The following DPP6 variants were observed in gnomAD, a reference collection of about 807,000 sequenced individuals.
DPP6 encodes A-type potassium channel modulatory protein DPP6.
DPP6 carries 69 observed loss-of-function variants against 122.6 expected under a neutral mutation model. That is an observed-to-expected ratio of 0.56 (90% CI 0.46 to 0.69). The LOEUF (loss-of-function observed/expected upper bound fraction) is 0.69. Among genes scored for constraint, DPP6 ranks in the 30% least tolerant of loss-of-function variants. DPP6 has a pLI of 0.00. For synonymous variants in DPP6, 418 were observed against 433.1 expected (o/e 0.97, Z 0.43); for missense variants, 928 against 1,116.9 (o/e 0.83, Z 2.41).
chr7:153,990,174 T>C (rs1259245128), intron 1 of DPP6, among the ~76,000 whole-genome samples: 1,618 of 20,974 alleles, frequency 0.077, 64 homozygotes, highest in Middle Eastern at 0.13. Context: ...CCTTGCCAGC[T>C]GGAGGTGGGC....
chr7:154,059,727 C>G (rs1214740994), intron 1 of DPP6, among the ~76,000 whole-genome samples: 3 of 151,172 alleles, frequency 2.0e-5, no homozygotes, highest in Non-Finnish European at 4.4e-5. Flanking sequence ...CCCGATCTGA[C>G]AAAGCCTTTT....
At chr7:154,042,400 C>T (rs1334594380) in intron 1 of DPP6, among the ~76,000 whole-genome samples, 2 of 152,304 alleles carry the variant, frequency 1.3e-5, no homozygotes, top group South Asian at 2.1e-4. Context: ...ACCATGCTCA[C>T]AGGAAAATTT....
At chr7:154,773,851 G>T (rs1253958942) in intron 10 of DPP6, among the ~76,000 whole-genome samples, 1 of 152,144 alleles carries the variant, frequency 6.6e-6, no homozygotes, top group Non-Finnish European at 1.5e-5. Flanking sequence ...CTAGCTCGGG[G>T]ATGGATGCTC....
At chr7:154,621,479 C>T (rs563655719) in intron 5 of DPP6, among the ~76,000 whole-genome samples, 1 of 152,178 alleles carries the variant, frequency 6.6e-6, no homozygotes, top group Non-Finnish European at 1.5e-5. Context: ...AGCGATTCTC[C>T]TGCCTCAGCC....
chr7:154,803,941 G>A lies in DPP6; in HGVS notation c.1485G>A (p.Glu495=). The change falls in exon 14 of 26, where the codon GAG becomes GAA. Residue 495 remains glutamate, a synonymous_variant. Transcript: ENST00000377770. Reference sequence around the variant, plus strand: ...TGACCAAGATCCTAGCCTACGATGAGAAGGGGAATAAGATGTGAGTGAGAA... The same window carrying A: ...TGACCAAGATCCTAGCCTACGATGAAAAGGGGAATAAGATGTGAGTGAGAA... ...WDVTKILAYD[E]KGNKIYFLST... The A allele has an allele frequency of 4.3e-6, 7 of 1,613,796 alleles. No homozygotes were observed. Among genetic ancestry groups the A allele is most frequent in the South Asian group, 2.2e-5 (2 of 90,972 alleles).
At chr7:153,832,202 G>A in the DPP6 span, among the ~76,000 whole-genome samples, 1 of 152,174 alleles carries the variant, frequency 6.6e-6, no homozygotes, top group South Asian at 2.1e-4. Flanking sequence ...ATAAAAACTA[G>A]CCTACTTTAG....
chr7:154,292,837 G>A (rs1019328989), intron 1 of DPP6, among the ~76,000 whole-genome samples: 1 of 152,156 alleles, frequency 6.6e-6, no homozygotes, highest in African/African-American at 2.4e-5. Flanking sequence ...AGGAGTTTAT[G>A]TTCTAATAGG....
chr7:154,831,273 C>T (rs1009650535), intron 16 of DPP6, among the ~76,000 whole-genome samples: 4 of 152,210 alleles, frequency 2.6e-5, no homozygotes, highest in African/African-American at 7.2e-5. Flanking sequence ...GCATGAGGCT[C>T]GGAGTGGCTT....
intron 14 of DPP6, 46 bp downstream of exon 14, chr7:154,804,001 C>A: frequency 6.3e-7 from 1 of 1,594,022 alleles, no homozygotes. Flanking sequence ...GCCAATGGGG[C>A]ACATTTGTTA....
chr7:153,905,076 C>T (rs903542812), intron 1 of DPP6, among the ~76,000 whole-genome samples: 1 of 152,222 alleles, frequency 6.6e-6, no homozygotes, highest in Non-Finnish European at 1.5e-5. Context: ...TTCTTGGCCT[C>T]TCTGCAGAAT....
At chr7:154,058,175 C>T (rs1468166172) in intron 1 of DPP6, 1 of 149,486 alleles carries the variant, frequency 6.7e-6, no homozygotes, top group African/African-American at 2.5e-5. Context: ...GGAGGCAATC[C>T]CCGCGAGGCG....
chr7:154,729,925 GA>G (rs1371933578), intron 8 of DPP6, among the ~76,000 whole-genome samples: 1 of 152,220 alleles, frequency 6.6e-6, no homozygotes, highest in Non-Finnish European at 1.5e-5. Flanking sequence ...GTTCTGTGCA[GA>G]AACAGCCCTA....
the DPP6 span, among the ~76,000 whole-genome samples, chr7:153,865,617 T>A: frequency 6.6e-6 from 1 of 152,218 alleles, no homozygotes; most frequent in Non-Finnish European, 1.5e-5. Flanking sequence ...TATAAAGTGG[T>A]CAATAAGACT....
chr7:154,086,449 G>A (rs1190105463), intron 1 of DPP6, among the ~76,000 whole-genome samples: 1 of 147,668 alleles, frequency 6.8e-6, no homozygotes, highest in African/African-American at 2.5e-5. Flanking sequence ...GTGAGCCCTG[G>A]TGAATCCACA....
At position 154,414,226 on chromosome 7, in the gene DPP6, CA is replaced by C. The variant is rs1408435261; in HGVS notation, c.244-31984del. 2.0e-5 allele frequency among the ~76,000 whole-genome samples: 3 copies of C among 152,180 alleles called. 1 individual carries two copies. Among genetic ancestry groups the C allele is most frequent in the Non-Finnish European group, 4.4e-5 (3 of 68,028 alleles). ...TCATGAATGTTACTACTCCGACCAA[CA>C]AAATTCAAATGCTCCACAAAAAGAG... On this transcript the variant is annotated intron_variant, in intron 1 of 25. Coordinates refer to ENST00000377770, the MANE Select transcript of DPP6 (RefSeq NM_130797.4).
intron 17 of DPP6, among the ~76,000 whole-genome samples, chr7:154,867,753 A>G (rs187600575): frequency 2.6e-4 from 39 of 152,310 alleles, no homozygotes; most frequent in African/African-American, 8.9e-4. Context: ...GGAAGGAGAA[A>G]GCCTAAGACG....
chr7:154,192,188 G>A (rs543751324), intron 1 of DPP6, among the ~76,000 whole-genome samples: 2 of 152,286 alleles, frequency 1.3e-5, no homozygotes, highest in African/African-American at 4.8e-5. Context: ...GTCTCCGACT[G>A]AGCAGGCAGT....
At chr7:153,812,359 C>G in the DPP6 span, among the ~76,000 whole-genome samples, 5 of 152,100 alleles carry the variant, frequency 3.3e-5, no homozygotes, top group African/African-American at 4.8e-5. Context: ...TGTAGATTTT[C>G]TTAATATCAT....
chr7:154,693,089 G>T (rs761197233), intron 7 of DPP6, among the ~76,000 whole-genome samples: 7 of 138,418 alleles, frequency 5.1e-5, no homozygotes, highest in Non-Finnish European at 1.1e-4. Flanking sequence ...ACTGGGCCTG[G>T]CCCTCTTTAT....
Sources: gnomAD v4.1 joint callset for allele counts (sites outside exome capture counted in the v4.1 genomes callset) on GRCh38, gnomAD v4.1.1 for gene constraint, MANE v1.5 for transcripts, NCBI Gene and HGNC (gene_info 2026-07-23, HGNC 2026-07-21) for gene names.